Variants in EFCAB11 observed in about 807,000 individuals in gnomAD.
EFCAB11 encodes EF-hand calcium binding domain 11.
EFCAB11 carries 14 observed loss-of-function variants against 23.0 expected under a neutral mutation model. That is an observed-to-expected ratio of 0.61 (90% confidence interval 0.40 to 0.95). The LOEUF is 0.95. EFCAB11 is among the 40% of genes least tolerant of loss of function. The pLI, the probability that EFCAB11 is intolerant of heterozygous loss-of-function variation, is 0.00. For missense variants in EFCAB11, 198 were observed against 195.8 expected, an observed-to-expected ratio of 1.01 and a Z score of -0.07; for synonymous variants, 65 against 66.6, an observed-to-expected ratio of 0.98 and a Z score of 0.11.
At chr14:89,816,569 C>T (rs1886344070) in intron 5 of EFCAB11, among the ~76,000 whole-genome samples, 1 of 152,118 alleles carries the variant, frequency 6.6e-6, no homozygotes, top group Non-Finnish European at 1.5e-5. Context: ...GCATACATTC[C>T]TAATCTTTAA....
intron 5 of EFCAB11, among the ~76,000 whole-genome samples, chr14:89,849,356 T>C (rs956440942): frequency 1.3e-5 from 2 of 152,240 alleles, no homozygotes; most frequent in Non-Finnish European, 2.9e-5. Context: ...CAATGGGAAT[T>C]AGATTGGAAG....
At chr14:89,931,515 T>C (rs754403554) in intron 5 of EFCAB11, 26 bp downstream of exon 5, 1 of 1,570,952 alleles carries the variant, frequency 6.4e-7, no homozygotes, top group East Asian at 2.2e-5. Context: ...CAAAAGGTGG[T>C]GTACAGAAGG....
Position 89,941,481 on chromosome 14 carries a change from C to T in EFCAB11, c.217+8616G>A, listed in dbSNP as rs558654344. On this transcript the variant is annotated intron_variant, in intron 3 of 5. Transcript: ENST00000316738. ...GAGGGTGAGCTAGAAGGTCGGATCA[C>T]GTTGGTCTGGTACTTACTAGCTACC... is the stretch of plus-strand genomic sequence containing the variant. Among the ~76,000 whole-genome samples, 13 of 152,068 alleles carry T rather than the reference C, an allele frequency of 8.5e-5. No homozygotes were observed. The South Asian group carries it at 2.7e-3, about 32-fold the overall frequency.
chr14:89,932,497 T>G, intron 4 of EFCAB11, 29 bp downstream of exon 4: 1 of 1,580,582 alleles, frequency 6.3e-7, no homozygotes, highest in Non-Finnish European at 8.7e-7. Flanking sequence ...GTAATTTTTT[T>G]TACATCAAAA....
chr14:89,856,178 TTCTCTC>T (rs372108958), intron 5 of EFCAB11, among the ~76,000 whole-genome samples: 1 of 143,016 alleles, frequency 7.0e-6, no homozygotes, highest in African/African-American at 2.6e-5. Flanking sequence ...TATTTTTAAT[TTCTCTC>T]TCTCTCTCTT....
intron 5 of EFCAB11, among the ~76,000 whole-genome samples, chr14:89,855,369 G>T (rs955927584): frequency 6.6e-6 from 1 of 151,994 alleles, no homozygotes; most frequent in Non-Finnish European, 1.5e-5. Flanking sequence ...CCACCTACTC[G>T]GGAGGCTGAG....
chr14:89,824,160 G>C (rs1886616995), intron 5 of EFCAB11, among the ~76,000 whole-genome samples: 1 of 151,950 alleles, frequency 6.6e-6, no homozygotes, highest in African/African-American at 2.4e-5. Context: ...TGGCAATAAA[G>C]ACAGTATCTT....
chr14:89,853,677 CTTTG>C (rs1887663532), intron 5 of EFCAB11, among the ~76,000 whole-genome samples: 1 of 152,110 alleles, frequency 6.6e-6, no homozygotes. Flanking sequence ...AGAAGTGATC[CTTTG>C]TTTTCTATGG....
intron 5 of EFCAB11, among the ~76,000 whole-genome samples, chr14:89,842,529 C>A (rs765170108): frequency 2.0e-5 from 3 of 152,106 alleles, no homozygotes; most frequent in Admixed American, 1.3e-4. Context: ...GAGCCGAGAT[C>A]GTGCCACTGC....
At chr14:89,935,874 G>A (rs113329842) in intron 3 of EFCAB11, among the ~76,000 whole-genome samples, 7,948 of 152,112 alleles carry the variant, frequency 0.052, 340 homozygotes, top group African/African-American at 0.11. Flanking sequence ...CAGGTGTGGC[G>A]GCATGCACCT....
chr14:89,920,540 T>G (rs1300015237), intron 5 of EFCAB11, among the ~76,000 whole-genome samples: 1 of 152,236 alleles, frequency 6.6e-6, no homozygotes, highest in Non-Finnish European at 1.5e-5. Context: ...TGAGCAAGTC[T>G]TTAGACCTCT....
intron 5 of EFCAB11, among the ~76,000 whole-genome samples, chr14:89,846,008 T>C (rs191267774): frequency 6.6e-6 from 1 of 152,342 alleles, no homozygotes; most frequent in Non-Finnish European, 1.5e-5. Context: ...CTCCATCATT[T>C]ACAAGCTGAG....
chr14:89,923,950 C>T (rs1320531518), intron 5 of EFCAB11: 1 of 985,126 alleles, frequency 1.0e-6, no homozygotes, highest in African/African-American at 1.7e-5. Flanking sequence ...TCCTTTAGGC[C>T]CTCAGCTCTG....
At chr14:89,829,139 T>C (rs922890924) in intron 5 of EFCAB11, among the ~76,000 whole-genome samples, 21 of 152,224 alleles carry the variant, frequency 1.4e-4, no homozygotes, top group African/African-American at 5.1e-4. Context: ...AAGATTATAT[T>C]GTCAACAAAT....
intron 5 of EFCAB11, among the ~76,000 whole-genome samples, chr14:89,815,583 C>T (rs1224594263): frequency 5.3e-5 from 8 of 152,034 alleles, no homozygotes; most frequent in African/African-American, 1.7e-4. Flanking sequence ...CGCGCCACCA[C>T]GCTGGCTAAT....
chr14:89,836,698 T>C (rs1460479061), intron 5 of EFCAB11: 4 of 456,390 alleles, frequency 8.8e-6, no homozygotes, highest in South Asian at 1.5e-5. Flanking sequence ...TTTTATTTAA[T>C]AGTTTACCTT....
chr14:89,818,592 G>T (rs1886407682), intron 5 of EFCAB11, among the ~76,000 whole-genome samples: 1 of 152,146 alleles, frequency 6.6e-6, no homozygotes, highest in African/African-American at 2.4e-5. Context: ...ACACAGGTAA[G>T]GCAATGAACA....
At chr14:89,953,843 T>C (rs1371702377) in intron 2 of EFCAB11, 63 bp downstream of exon 2, 7 of 1,403,686 alleles carry the variant, frequency 5.0e-6, no homozygotes, top group Non-Finnish European at 5.0e-6. Context: ...CCTGTGAACT[T>C]TTCTTAGGAT....
chr14:89,933,065 G>A (rs1467653739), intron 3 of EFCAB11, among the ~76,000 whole-genome samples: 5 of 152,096 alleles, frequency 3.3e-5, no homozygotes, highest in African/African-American at 1.2e-4. Context: ...TGGGAGATCG[G>A]GTCAGAGAAG....
Sources: allele counts gnomAD v4.1 joint callset (sites outside exome capture counted in the v4.1 genomes callset), GRCh38; gene constraint gnomAD v4.1.1; transcripts MANE v1.5; gene names NCBI Gene and HGNC (gene_info 2026-07-23, HGNC 2026-07-21).